Variants in NRG1 observed in about 807,000 individuals in gnomAD.
NRG1 encodes pro-neuregulin-1, membrane-bound isoform.
In NRG1, 18 loss-of-function variants were observed where a neutral mutation model predicts 63.8. The observed-to-expected ratio is 0.28, with a 90% CI of 0.19 to 0.42. The LOEUF (loss-of-function observed/expected upper bound fraction) is 0.42, where lower values mean the gene tolerates loss of function less well. Ranked by LOEUF, NRG1 falls within the 10% of genes least tolerant of loss-of-function variation. The pLI, the probability that NRG1 is intolerant of heterozygous loss-of-function variation, is 1.00. For missense variants in NRG1, 762 were observed against 814.7 expected (o/e 0.94, Z 0.79); for synonymous variants, 302 against 301.3 (o/e 1.00, Z -0.02).
chr8:31,904,296 GAGTT>G (rs779639078), intron 1 of NRG1, among the ~76,000 whole-genome samples: 1 of 152,178 alleles, frequency 6.6e-6, no homozygotes, highest in Non-Finnish European at 1.5e-5. Context: ...AAGAGATTGA[GAGTT>G]AGAGAGTAGC....
chr8:32,586,178 ATATAT>A, intron 1 of NRG1, among the ~76,000 whole-genome samples: 1 of 134,870 alleles, frequency 7.4e-6, no homozygotes, highest in East Asian at 2.1e-4. Context: ...ATATATATAT[ATATAT>A]AATGTGTATA....
intron 1 of NRG1, among the ~76,000 whole-genome samples, chr8:31,751,352 C>T (rs941710196): frequency 6.6e-6 from 1 of 151,936 alleles, no homozygotes; most frequent in African/African-American, 2.4e-5. Flanking sequence ...TTAAAGATGA[C>T]TATGAGTTAC....
chr8:31,644,169 T>C (rs990158129), intron 1 of NRG1, among the ~76,000 whole-genome samples: 1 of 152,166 alleles, frequency 6.6e-6, no homozygotes, highest in African/African-American at 2.4e-5. Flanking sequence ...ATTAAGGAAA[T>C]AGAAACAGTA....
intron 1 of NRG1, among the ~76,000 whole-genome samples, chr8:32,421,902 G>A (rs929398902): frequency 1.3e-5 from 2 of 152,140 alleles, no homozygotes; most frequent in South Asian, 4.1e-4. Flanking sequence ...GTCAAATACT[G>A]CATCTTCTCA....
upstream of NRG1, among the ~76,000 whole-genome samples, chr8:32,544,983 C>A (rs10090954): frequency 0.11 from 16,261 of 152,098 alleles, 2,076 homozygotes; most frequent in East Asian, 0.59. Flanking sequence ...TCTTTGTTTA[C>A]ATTATCTTAA....
At chr8:32,172,500 G>A (rs1003283544) in intron 1 of NRG1, among the ~76,000 whole-genome samples, 1 of 151,978 alleles carries the variant, frequency 6.6e-6, no homozygotes, top group Non-Finnish European at 1.5e-5. Flanking sequence ...GATGGAGTAT[G>A]ACTTTGATGA....
intron 1 of NRG1, among the ~76,000 whole-genome samples, chr8:32,230,980 A>G (rs932701812): frequency 1.3e-5 from 2 of 152,094 alleles, no homozygotes; most frequent in Non-Finnish European, 1.5e-5. Flanking sequence ...CTTTCTATCT[A>G]ACTATGCTTT....
At chr8:31,674,857 G>C (rs759218876) in intron 1 of NRG1, among the ~76,000 whole-genome samples, 38 of 152,314 alleles carry the variant, frequency 2.5e-4, no homozygotes, top group South Asian at 4.1e-4. Context: ...GCATATGAAG[G>C]GGGGAATGTA....
At chr8:32,556,733 C>T (rs143813916) in intron 1 of NRG1, among the ~76,000 whole-genome samples, 463 of 152,260 alleles carry the variant, frequency 3.0e-3, no homozygotes, top group African/African-American at 0.01. Context: ...GTTCAAATTT[C>T]GATATAGCCA....
At chr8:32,164,680 C>T (rs1839215012) in intron 1 of NRG1, among the ~76,000 whole-genome samples, 1 of 152,176 alleles carries the variant, frequency 6.6e-6, no homozygotes, top group Non-Finnish European at 1.5e-5. Context: ...AGGATACTCA[C>T]AACATAAGTT....
intron 1 of NRG1, among the ~76,000 whole-genome samples, chr8:32,137,402 A>T (rs1835682542): frequency 6.6e-6 from 1 of 152,190 alleles, no homozygotes; most frequent in Admixed American, 6.5e-5. Flanking sequence ...AGATTGCACC[A>T]CTGTACTCTA....
At chr8:32,114,894 G>A (rs1339433186) in intron 1 of NRG1, among the ~76,000 whole-genome samples, 4 of 152,086 alleles carry the variant, frequency 2.6e-5, no homozygotes, top group African/African-American at 9.7e-5. Flanking sequence ...CTACTGCAGA[G>A]GATAGAGTTT....
At chr8:31,741,539 A>C (rs140613447) in intron 1 of NRG1, among the ~76,000 whole-genome samples, 28 of 152,184 alleles carry the variant, frequency 1.8e-4, no homozygotes, top group African/African-American at 6.7e-4. Context: ...ATCGTAGTAA[A>C]TAACATAAAA....
At chr8:31,947,302 G>A (rs1254247683) in intron 1 of NRG1, among the ~76,000 whole-genome samples, 9 of 123,234 alleles carry the variant, frequency 7.3e-5, no homozygotes, top group Middle Eastern at 4.4e-3. Flanking sequence ...GTGAGACTCC[G>A]TCTCAAAAAA....
intron 1 of NRG1, among the ~76,000 whole-genome samples, chr8:32,177,654 T>C (rs1021518249): frequency 6.6e-6 from 1 of 151,966 alleles, no homozygotes; most frequent in African/African-American, 2.4e-5. Flanking sequence ...TTTAGTTTTC[T>C]GTTCCTATGT....
At chr8:32,669,377 C>T (rs1320074478) in intron 5 of NRG1, among the ~76,000 whole-genome samples, 2 of 152,030 alleles carry the variant, frequency 1.3e-5, no homozygotes, top group Admixed American at 6.6e-5. Context: ...AACCCTGGAG[C>T]CCAAAAGAAG....
chr8:31,873,565 A>T (rs1029343662), intron 1 of NRG1, among the ~76,000 whole-genome samples: 3 of 152,138 alleles, frequency 2.0e-5, no homozygotes, highest in Admixed American at 6.5e-5. Context: ...TCTGAAAAAC[A>T]AAACAAAACA....
Position 32,646,194 on chromosome 8 carries a change from G to C in NRG1, c.502+29309G>C, listed in dbSNP as rs1260473563. 3.9e-5 allele frequency among the ~76,000 whole-genome samples: 6 copies of C among 152,186 alleles called. No homozygotes were observed. The East Asian group carries it at 9.7e-4, about 25-fold the overall frequency. ...GATAGAATAAATGGAAATTCAAAGG[G>C]GACCACAGCAGGGGATATATGGGCT... On this transcript the variant is annotated intron_variant, in intron 5 of 11. Coordinates refer to ENST00000356819, the Ensembl canonical transcript of NRG1.
chr8:31,827,661 G>A (rs560570118), intron 1 of NRG1, among the ~76,000 whole-genome samples: 5 of 152,098 alleles, frequency 3.3e-5, no homozygotes, highest in Non-Finnish European at 7.4e-5. Flanking sequence ...GCTTTCCTTG[G>A]CAAATTTTAC....
Sources: gnomAD v4.1 joint callset for allele counts (sites outside exome capture counted in the v4.1 genomes callset) on GRCh38, gnomAD v4.1.1 for gene constraint, MANE v1.5 for transcripts, NCBI Gene and HGNC (gene_info 2026-07-23, HGNC 2026-07-21) for gene names.